STIM2: variants seen among roughly 807,000 people sequenced by gnomAD.
STIM2 encodes the protein stromal interaction molecule 2.
Under a neutral mutation model 85.8 loss-of-function variants are expected in STIM2, and 31 were observed. The ratio of observed to expected loss-of-function variants is 0.36; its 90% confidence interval spans 0.27 to 0.49. The LOEUF is 0.49. Ranked by LOEUF, STIM2 falls within the 20% of genes least tolerant of loss-of-function variation. The probability of loss-of-function intolerance (pLI) is 0.98; values close to 1 mark genes in which losing one functional copy is unlikely to be tolerated. For synonymous variants in STIM2, 356 were observed against 331.1 expected (o/e 1.08, Z -0.82); for missense variants, 841 against 927.6 (o/e 0.91, Z 1.21).
At chr4:27,018,268 T>C (rs1025356412) in intron 11 of STIM2, among the ~76,000 whole-genome samples, 3 of 152,130 alleles carry the variant, frequency 2.0e-5, no homozygotes, top group African/African-American at 7.2e-5. Context: ...TCAAAGTTCA[T>C]GTGGTTGTGG....
chr4:27,018,696 T>C (rs1728816990), intron 11 of STIM2, among the ~76,000 whole-genome samples: 1 of 152,222 alleles, frequency 6.6e-6, no homozygotes, highest in South Asian at 2.1e-4. Flanking sequence ...TAGGTAGATA[T>C]TTTGAGATGT....
intron 2 of STIM2, among the ~76,000 whole-genome samples, chr4:26,925,889 C>CA (rs1264933200): frequency 1.5e-5 from 1 of 66,290 alleles, no homozygotes; most frequent in Non-Finnish European, 2.5e-5. Flanking sequence ...CAACAACAGA[C>CA]AAACAGAGAG....
chr4:26,996,317 A>G (rs972207103), intron 4 of STIM2, among the ~76,000 whole-genome samples: 2 of 152,100 alleles, frequency 1.3e-5, no homozygotes, highest in African/African-American at 4.8e-5. Context: ...TGATTCTACC[A>G]GAATTTTTTA....
Position 26,970,406 on chromosome 4 carries a change from C to G in STIM2, c.397+12680C>G, listed in dbSNP as rs186188520. Among the ~76,000 whole-genome samples, 1,219 of 152,032 alleles carry G rather than the reference C, an allele frequency of 8.0e-3. 7 individuals carry two copies. The highest frequency in any genetic ancestry group is 0.014 in the Non-Finnish European group (943 of 67,968). The stretch of plus-strand genomic sequence containing the variant: ...CTATCCCTCCCCTAGCCCCCTACCC[C>G]CTCACAGGCCCCTGTGTGTGATGTT... On this transcript the variant is annotated intron_variant, in intron 3 of 11. Transcript: ENST00000467087.
chr4:26,979,778 C>T (rs1410996332), intron 3 of STIM2, among the ~76,000 whole-genome samples: 1 of 152,036 alleles, frequency 6.6e-6, no homozygotes, highest in African/African-American at 2.4e-5. Context: ...ATAGGAAAAG[C>T]AGTACTTTTA....
At chr4:26,987,559 C>T (rs1219542049) in intron 3 of STIM2, among the ~76,000 whole-genome samples, 1 of 152,166 alleles carries the variant, frequency 6.6e-6, no homozygotes, top group Non-Finnish European at 1.5e-5. Flanking sequence ...TCCCATCCCC[C>T]ACCATCTCCT....
chr4:26,978,517 C>T (rs901355939), intron 3 of STIM2, among the ~76,000 whole-genome samples: 10 of 151,948 alleles, frequency 6.6e-5, no homozygotes, highest in African/African-American at 1.9e-4. Flanking sequence ...CCTGTGTTTC[C>T]TAGAGGCTAG....
At chr4:26,955,956 CAATTGTTAA>C (rs1232891882) in intron 2 of STIM2, among the ~76,000 whole-genome samples, 3 of 152,144 alleles carry the variant, frequency 2.0e-5, no homozygotes, top group African/African-American at 7.2e-5. Flanking sequence ...CAATATTATA[CAATTGTTAA>C]AATTTTCTTT....
At chr4:26,936,713 T>G (rs572673441) in intron 2 of STIM2, among the ~76,000 whole-genome samples, 1 of 152,370 alleles carries the variant, frequency 6.6e-6, no homozygotes, top group Non-Finnish European at 1.5e-5. Flanking sequence ...GACTGTAGTA[T>G]GAGATCTGTG....
Position 26,862,420 on chromosome 4 carries a change from C to G in STIM2, c.151+1051C>G, listed in dbSNP as rs375846314. Among the ~76,000 whole-genome samples the G allele has an allele frequency of 3.4e-4, 52 of 151,598 alleles. No individual in the cohort carries two copies. In the South Asian group the frequency reaches 1.0e-2, roughly 29 times the overall value. On this transcript the variant is annotated intron_variant, in intron 1 of 11. Transcript: ENST00000467087. ...AAAGTTTAAAGTGGCAGAAGATGAC[C>G]CGTGATTAATTTAACCAAAATGATA...
chr4:26,956,718 GAGA>G (rs1236008342), intron 2 of STIM2, among the ~76,000 whole-genome samples: 1 of 152,078 alleles, frequency 6.6e-6, no homozygotes, highest in Non-Finnish European at 1.5e-5. Flanking sequence ...TGCAGTAATT[GAGA>G]AGATTATTAT....
chr4:26,975,602 C>T (rs1436975788), intron 3 of STIM2, among the ~76,000 whole-genome samples: 1 of 152,214 alleles, frequency 6.6e-6, no homozygotes, highest in Non-Finnish European at 1.5e-5. Flanking sequence ...GCAAATATTG[C>T]TGCCTGATCC....
At chr4:26,999,462 C>A in intron 5 of STIM2, 115 bp downstream of exon 5, 1 of 441,352 alleles carries the variant, frequency 2.3e-6, no homozygotes, top group Non-Finnish European at 3.8e-6. Flanking sequence ...TCATCTATTA[C>A]CTGTGAAAGA....
chr4:26,861,204 C>T lies in STIM2; in HGVS notation c.-15C>T, dbSNP rs752778412. The T allele has an allele frequency of 7.3e-5, 106 of 1,448,726 alleles. No individual in the cohort carries two copies. The highest frequency in any genetic ancestry group is 9.4e-5 in the Non-Finnish European group (103 of 1,100,842). 89.7% of individuals were successfully genotyped at this position (1,448,726 alleles called of 1,614,324 possible). A position where few individuals can be genotyped will look rare whatever the true frequency, so the allele number is the denominator to read the frequency against. On this transcript the variant is annotated 5_prime_UTR_variant, in exon 1 of 12. Transcript: ENST00000467087. ...AGCGTGGGGCTGGCTGCTGCGGCGG[C>T]GGCGCTGGGCTGCGTTGCTGGTGCT...
chr4:26,957,775 C>G (rs1195579762), intron 3 of STIM2, 49 bp downstream of exon 3: 1 of 1,183,376 alleles, frequency 8.5e-7, no homozygotes, highest in Admixed American at 2.2e-5. Flanking sequence ...CACATCTAGC[C>G]TGCTTAGTTG....
chr4:26,867,022 T>C (rs1033952467), intron 1 of STIM2, among the ~76,000 whole-genome samples: 7 of 152,094 alleles, frequency 4.6e-5, no homozygotes, highest in African/African-American at 1.7e-4. Flanking sequence ...TAATTCTGGG[T>C]GGATGGCAAT....
At chr4:26,882,807 A>G (rs1723060963) in intron 1 of STIM2, among the ~76,000 whole-genome samples, 1 of 149,200 alleles carries the variant, frequency 6.7e-6, no homozygotes, top group Non-Finnish European at 1.5e-5. Flanking sequence ...TCCAGGTGCT[A>G]TCTGTGTGTC....
intron 2 of STIM2, among the ~76,000 whole-genome samples, chr4:26,952,014 A>G (rs758771169): frequency 2.0e-5 from 3 of 152,150 alleles, no homozygotes; most frequent in Non-Finnish European, 4.4e-5. Flanking sequence ...TCAAAAGCAG[A>G]AACCCCTGAT....
At chr4:27,012,335 A>T in intron 10 of STIM2, among the ~76,000 whole-genome samples, 1 of 151,928 alleles carries the variant, frequency 6.6e-6, no homozygotes, top group East Asian at 1.9e-4. Flanking sequence ...TTTTTTTTTG[A>T]ATTTGTGAAT....
Sources: allele counts gnomAD v4.1 joint callset (sites outside exome capture counted in the v4.1 genomes callset), GRCh38; gene constraint gnomAD v4.1.1; transcripts MANE v1.5; gene names NCBI Gene and HGNC (gene_info 2026-07-23, HGNC 2026-07-21).